Variants in GNG7 observed in about 807,000 individuals in gnomAD.
GNG7 encodes guanine nucleotide-binding protein G(I)/G(S)/G(O) subunit gamma-7.
A neutral mutation model predicts 4.0 loss-of-function variants in GNG7; 1 was observed. That is an observed-to-expected ratio of 0.25 (90% CI 0.09 to 1.18). GNG7 has a LOEUF of 1.18. Ranked by LOEUF, GNG7 falls within the 50% of genes most tolerant of loss-of-function variation. The pLI, the probability that GNG7 is intolerant of heterozygous loss-of-function variation, is 0.50. For synonymous variants in GNG7, 34 were observed against 36.9 expected (o/e 0.92, Z 0.29); for missense variants, 86 against 91.9 (o/e 0.94, Z 0.26).
At chr19:2,596,749 C>A (rs1467020954) in intron 2 of GNG7, among the ~76,000 whole-genome samples, 1 of 151,984 alleles carries the variant, frequency 6.6e-6, no homozygotes, top group Non-Finnish European at 1.5e-5. Context: ...TTCCCATCCA[C>A]CCCACACTGT....
chr19:2,695,342 G>T (rs1315879300), intron 1 of GNG7, among the ~76,000 whole-genome samples: 12 of 151,912 alleles, frequency 7.9e-5, no homozygotes. Flanking sequence ...GAACACACAG[G>T]CCCGAGGCCC....
At chr19:2,593,742 T>TA (rs753627960) in intron 2 of GNG7, among the ~76,000 whole-genome samples, 149 of 134,986 alleles carry the variant, frequency 1.1e-3, no homozygotes, top group East Asian at 1.5e-3. Context: ...AGACTCCATC[T>TA]AAAAAAAAAA....
At chr19:2,628,678 C>A (rs1366524157) in intron 2 of GNG7, among the ~76,000 whole-genome samples, 1 of 149,960 alleles carries the variant, frequency 6.7e-6, no homozygotes, top group Non-Finnish European at 1.5e-5. Context: ...AACAGCTCCC[C>A]TCTTCCCTCC....
chr19:2,660,977 C>T (rs1178031397), intron 1 of GNG7, among the ~76,000 whole-genome samples: 7 of 151,810 alleles, frequency 4.6e-5, no homozygotes, highest in African/African-American at 1.7e-4. Context: ...TCTGGGAGGC[C>T]GAGGCGGGCA....
chr19:2,612,513 C>A (rs948152356), intron 2 of GNG7, among the ~76,000 whole-genome samples: 4 of 152,184 alleles, frequency 2.6e-5, no homozygotes, highest in East Asian at 3.9e-4. Context: ...CAGGACCCCC[C>A]CCAGGCAGGA....
At chr19:2,548,496 A>C (rs1389251216) in intron 3 of GNG7, among the ~76,000 whole-genome samples, 5 of 135,280 alleles carry the variant, frequency 3.7e-5, no homozygotes, top group Non-Finnish European at 4.7e-5. Flanking sequence ...AAAAAAAAAA[A>C]AAAAAAACCT....
Position 2,558,045 on chromosome 19 carries a change from G to A in GNG7, c.-77-2857C>T, listed in dbSNP as rs11883339. Reference sequence around the variant, plus strand: ...TTTAGTAGAGAGGGGGTTTCACCGTGTTAGCCAGGATGGCCTTGATCTCCT... The same window carrying A: ...TTTAGTAGAGAGGGGGTTTCACCGTATTAGCCAGGATGGCCTTGATCTCCT... On this transcript the variant is annotated intron_variant, in intron 2 of 4. Transcript: ENST00000382159. 2.9e-3 allele frequency among the ~76,000 whole-genome samples: 436 copies of A among 152,028 alleles called. 5 individuals are homozygous for A. The highest frequency in any genetic ancestry group is 0.01 in the African/African-American group (421 of 41,476).
intron 1 of GNG7, among the ~76,000 whole-genome samples, chr19:2,694,227 G>GC (rs890211769): frequency 6.7e-6 from 1 of 149,184 alleles, no homozygotes. Flanking sequence ...TTTTTTTGTT[G>GC]CTTTTTTTTG....
chr19:2,602,897 TTTTCTTTCTTTC>T (rs375016997), intron 2 of GNG7, among the ~76,000 whole-genome samples: 6 of 103,306 alleles, frequency 5.8e-5, no homozygotes, highest in Admixed American at 9.7e-5. Context: ...CTTTTTCTCT[TTTTCTTTCTTTC>T]TTTCTTTCTT....
intron 2 of GNG7, among the ~76,000 whole-genome samples, chr19:2,615,031 G>A (rs958037882): frequency 4.6e-5 from 7 of 152,194 alleles, no homozygotes; most frequent in East Asian, 3.8e-4. Context: ...TTTGTGCCGC[G>A]GCTCCTGCCC....
intron 2 of GNG7, among the ~76,000 whole-genome samples, chr19:2,571,215 G>A (rs575303149): frequency 3.9e-5 from 6 of 152,164 alleles, no homozygotes; most frequent in African/African-American, 1.4e-4. Context: ...TCTAGGATCT[G>A]CGGAATGGGG....
chr19:2,695,166 C>T (rs908594399), intron 1 of GNG7, among the ~76,000 whole-genome samples: 7 of 151,976 alleles, frequency 4.6e-5, no homozygotes, highest in Admixed American at 1.3e-4. Context: ...GGAGACCTAG[C>T]GCCCTCTGTG....
chr19:2,677,294 G>A (rs1036171931), intron 1 of GNG7, among the ~76,000 whole-genome samples: 15 of 151,042 alleles, frequency 9.9e-5, no homozygotes, highest in African/African-American at 3.7e-4. Context: ...TACAACCGTG[G>A]TTCTCAACCA....
rs755630037 is a variant in GNG7, at chr19:2,515,183, TAAG to T, written c.82-39_82-37del. On this transcript the variant is annotated intron_variant, in intron 4 of 4. Transcript: ENST00000382159. ...GCACAAGGAGGAGACAGAGGAGACA[TAAG>T]AAGAGGCTGGCACACCCGGGTTCAC... 52 of 1,611,084 alleles carry T rather than the reference TAAG, an allele frequency of 3.2e-5. No individual in the cohort carries two copies. The Admixed American group carries it at 8.2e-4, about 25-fold the overall frequency.
At chr19:2,687,658 T>G (rs1380021618) in intron 1 of GNG7, among the ~76,000 whole-genome samples, 1 of 151,226 alleles carries the variant, frequency 6.6e-6, no homozygotes, top group Admixed American at 6.6e-5. Flanking sequence ...ATGACAGGAG[T>G]AAGCCACCAG....
In GNG7 at chr19:2,617,001, A is replaced by G. The variant is rs752066208; in HGVS notation, c.-78+29223T>C. Among the ~76,000 whole-genome samples, 6 of 152,204 alleles carry G rather than the reference A, an allele frequency of 3.9e-5. No homozygotes were observed. The highest frequency in any genetic ancestry group is 8.8e-5 in the Non-Finnish European group (6 of 68,034). ...TGTCTTGGAATCAGAAGGTTCTGGC[A>G]TGAAAGCTTTGCACCAGCCTTCCAC... On this transcript the variant is annotated intron_variant, in intron 2 of 4. Transcript: ENST00000382159. The surrounding 1 kb of genome is among the most constrained non-coding windows in gnomAD (Gnocchi z 4.7).
chr19:2,583,676 T>C (rs1980565170), intron 2 of GNG7, among the ~76,000 whole-genome samples: 1 of 152,158 alleles, frequency 6.6e-6, no homozygotes, highest in Non-Finnish European at 1.5e-5. Context: ...TTATTATGGA[T>C]AAAAGTAAAG....
rs1274646078 is a variant in GNG7 at position 2,546,478 on chromosome 19, G to A, written c.-38+8671C>T. ...CCACATGGAAGGGAGGGCCGCACTG[G>A]CTGGAAAATAGTGCCTTGTGACTGT... On this transcript the variant is annotated intron_variant, in intron 3 of 4. Coordinates refer to ENST00000382159, the MANE Select transcript of GNG7 (RefSeq NM_052847.3). This position sits in a 1 kb window ranked among gnomAD's most constrained non-coding sequence, Gnocchi z 6.3. 6.6e-6 allele frequency among the ~76,000 whole-genome samples: 1 copy of A among 152,260 alleles called. No homozygotes were observed. The highest frequency in any genetic ancestry group is 1.5e-5 in the Non-Finnish European group (1 of 68,050).
At chr19:2,554,484 C>G (rs954276940) in intron 3 of GNG7, among the ~76,000 whole-genome samples, 1 of 149,590 alleles carries the variant, frequency 6.7e-6, no homozygotes, top group Non-Finnish European at 1.5e-5. Context: ...GCTGGGACTA[C>G]AGGCGCACGC....
Sources: allele counts gnomAD v4.1 joint callset (sites outside exome capture counted in the v4.1 genomes callset), GRCh38; gene constraint gnomAD v4.1.1; non-coding constraint Gnocchi (gnomAD v3.1); transcripts MANE v1.5; gene names NCBI Gene and HGNC (gene_info 2026-07-23, HGNC 2026-07-21).